The following PPM1H variants were observed in gnomAD, a reference collection of about 807,000 sequenced individuals.
PPM1H encodes protein phosphatase, Mg2+/Mn2+ dependent 1H, also known as protein phosphatase 1H.
PPM1H carries 27 observed loss-of-function variants against 54.9 expected under a neutral mutation model. That is an observed-to-expected ratio of 0.49 (90% CI 0.36 to 0.68). PPM1H has a LOEUF of 0.68. PPM1H is among the 30% of genes least tolerant of loss of function. The probability of loss-of-function intolerance (pLI) is 0.00; values close to 1 mark genes in which losing one functional copy is unlikely to be tolerated. For missense variants in PPM1H, 596 were observed against 667.8 expected (o/e 0.89, Z 1.19); for synonymous variants, 305 against 270.8 (o/e 1.13, Z -1.24).
rs954889581 is a variant in PPM1H at position 62,647,501 on chromosome 12, C to T, written c.*988G>A. 1 of 152,142 alleles carries T rather than the reference C, an allele frequency of 6.6e-6. No homozygotes were observed. The highest frequency in any genetic ancestry group is 6.5e-5 in the Admixed American group (1 of 15,278). The allele number at this position is 152,142 out of a possible 1,614,324, so 9.4% of individuals were successfully genotyped here. The stretch of plus-strand genomic sequence containing the variant: ...CAGATGCAAGCAACTTCTTAAACTG[C>T]TCTATTAAACACTGCTTTATATGTG... On this transcript the variant is annotated 3_prime_UTR_variant, in exon 10 of 10. Transcript: ENST00000228705.
At chr12:62,726,995 AC>A (rs1565770189) in intron 5 of PPM1H, among the ~76,000 whole-genome samples, 1 of 151,918 alleles carries the variant, frequency 6.6e-6, no homozygotes, top group Non-Finnish European at 1.5e-5. Context: ...GCTCACTGCA[AC>A]CTCCGCCTCC....
intron 1 of PPM1H, among the ~76,000 whole-genome samples, chr12:62,867,444 C>T (rs544152114): frequency 1.3e-5 from 2 of 152,150 alleles, no homozygotes; most frequent in East Asian, 1.9e-4. Flanking sequence ...TGCCTCCTCC[C>T]ATAGACCCAT....
intron 4 of PPM1H, among the ~76,000 whole-genome samples, chr12:62,760,787 A>C (rs1432405695): frequency 1.3e-5 from 2 of 152,242 alleles, no homozygotes; most frequent in African/African-American, 4.8e-5. Flanking sequence ...AGAATGACTA[A>C]AGAAAAATAA....
intron 5 of PPM1H, among the ~76,000 whole-genome samples, chr12:62,733,912 GA>G (rs59915684): frequency 6.6e-6 from 1 of 152,030 alleles, no homozygotes; most frequent in Admixed American, 6.5e-5. Flanking sequence ...TAAAAACGAG[GA>G]AAAAAATTAC....
chr12:62,750,215 C>T (rs2120573186), intron 4 of PPM1H, among the ~76,000 whole-genome samples: 1 of 152,324 alleles, frequency 6.6e-6, no homozygotes, highest in South Asian at 2.1e-4. Context: ...TTATCCAATT[C>T]CAGGACATTT....
intron 2 of PPM1H, among the ~76,000 whole-genome samples, chr12:62,822,406 C>T (rs948934817): frequency 6.6e-6 from 1 of 152,148 alleles, no homozygotes; most frequent in Non-Finnish European, 1.5e-5. Context: ...GAGGACGTGA[C>T]AGACATCTAC....
At chr12:62,657,708 A>AG (rs2075853012) in intron 9 of PPM1H, among the ~76,000 whole-genome samples, 1 of 152,236 alleles carries the variant, frequency 6.6e-6, no homozygotes, top group Non-Finnish European at 1.5e-5. Context: ...ACTCATGGAA[A>AG]GGTTTCATAA....
chr12:62,903,611 T>C (rs1164949218), intron 1 of PPM1H, among the ~76,000 whole-genome samples: 1 of 152,058 alleles, frequency 6.6e-6, no homozygotes, highest in African/African-American at 2.4e-5. Context: ...ATGGAAAATA[T>C]CCACCCACCG....
At chr12:62,735,055 C>CA (rs1055116313) in intron 5 of PPM1H, among the ~76,000 whole-genome samples, 5 of 151,404 alleles carry the variant, frequency 3.3e-5, no homozygotes, top group Admixed American at 2.6e-4. Flanking sequence ...AAACAAAAAA[C>CA]AAAAAAACAA....
At chr12:62,802,677 C>T (rs1175626354) in intron 2 of PPM1H, among the ~76,000 whole-genome samples, 3 of 149,474 alleles carry the variant, frequency 2.0e-5, no homozygotes, top group Non-Finnish European at 4.5e-5. Context: ...GATTCTCATG[C>T]CTCAGTCTTC....
At chr12:62,888,710 G>T (rs1870677204) in intron 1 of PPM1H, among the ~76,000 whole-genome samples, 1 of 152,160 alleles carries the variant, frequency 6.6e-6, no homozygotes, top group South Asian at 2.1e-4. Context: ...TAGGGAGGAA[G>T]TCTGGATAAG....
chr12:62,929,767 C>T (rs192389719), intron 1 of PPM1H, among the ~76,000 whole-genome samples: 1 of 152,242 alleles, frequency 6.6e-6, no homozygotes, highest in East Asian at 1.9e-4. Flanking sequence ...GAACGCTTAG[C>T]TGTCTGCTTT....
chr12:62,810,484 A>G (rs1222751465), intron 2 of PPM1H, among the ~76,000 whole-genome samples: 2 of 152,146 alleles, frequency 1.3e-5, no homozygotes, highest in East Asian at 3.9e-4. Flanking sequence ...TCTCAATCCA[A>G]TCTCTTCTGA....
At chr12:62,658,182 ATTTTTTTTTTTTTTT>A (rs1173229360) in intron 9 of PPM1H, among the ~76,000 whole-genome samples, 11 of 87,534 alleles carry the variant, frequency 1.3e-4, no homozygotes, top group Admixed American at 4.8e-4. Flanking sequence ...AACACGGTGA[ATTTTTTTTTTTTTTT>A]TTTTTTTTTT....
intron 1 of PPM1H, among the ~76,000 whole-genome samples, chr12:62,916,219 G>A (rs1228369730): frequency 2.0e-5 from 3 of 152,192 alleles, no homozygotes; most frequent in Non-Finnish European, 2.9e-5. Flanking sequence ...ACTGAAAACT[G>A]AGTTAACTGA....
Position 62,733,142 on chromosome 12 carries a change from T to C in PPM1H, c.954+4360A>G, listed in dbSNP as rs182964171. Among the ~76,000 whole-genome samples, 7 of 152,242 alleles carry C rather than the reference T, an allele frequency of 4.6e-5. No individual in the cohort carries two copies. The East Asian group carries it at 1.4e-3, about 29-fold the overall frequency. On this transcript the variant is annotated intron_variant, in intron 5 of 9. Coordinates refer to ENST00000228705, the MANE Select transcript of PPM1H (RefSeq NM_020700.2). ...CCGTTTCATTCAGGAAGAAAGGAGATTCAGAGACAGAGTGTGAGGGGAAAC... is the reference window on the plus strand; with the variant it reads ...CCGTTTCATTCAGGAAGAAAGGAGACTCAGAGACAGAGTGTGAGGGGAAAC...
At chr12:62,718,548 T>G (rs999863276) in intron 6 of PPM1H, among the ~76,000 whole-genome samples, 46 of 152,268 alleles carry the variant, frequency 3.0e-4, no homozygotes, top group Middle Eastern at 3.4e-3. Flanking sequence ...TCATGTTCCC[T>G]CAGTACCAGC....
chr12:62,931,754 C>T (rs905563681), intron 1 of PPM1H, among the ~76,000 whole-genome samples: 2 of 152,136 alleles, frequency 1.3e-5, no homozygotes, highest in Admixed American at 1.3e-4. Flanking sequence ...ATAGTGCCTA[C>T]CTCATTAGGC....
rs35852199 is a variant in PPM1H at position 62,744,470 on chromosome 12, CAAA to C, written c.870-6887_870-6885del. ...TGGGCAACAGAGTGAGACTCTGTCTCAAAAAAAAAAAAAAAAAGGAGTGAAATT... is the reference window on the plus strand; with the variant it reads ...TGGGCAACAGAGTGAGACTCTGTCTCAAAAAAAAAAAAAAGGAGTGAAATT... On this transcript the variant is annotated intron_variant, in intron 4 of 9. Coordinates refer to ENST00000228705, the MANE Select transcript of PPM1H (RefSeq NM_020700.2). Among the ~76,000 whole-genome samples, 10 of 88,154 alleles carry C rather than the reference CAAA, an allele frequency of 1.1e-4. No individual in the cohort carries two copies. The East Asian group carries it at 1.3e-3, about 11-fold the overall frequency. 57.8% of individuals were successfully genotyped at this position (88,154 alleles called of 152,430 possible).
Sources: gnomAD v4.1 joint callset for allele counts (sites outside exome capture counted in the v4.1 genomes callset) on GRCh38, gnomAD v4.1.1 for gene constraint, MANE v1.5 for transcripts, NCBI Gene and HGNC (gene_info 2026-07-23, HGNC 2026-07-21) for gene names.